The following RCOR1 variants were observed in gnomAD, a reference collection of about 807,000 sequenced individuals.
RCOR1 encodes the protein REST corepressor.
RCOR1 carries 12 observed loss-of-function variants against 64.0 expected under a neutral mutation model. The observed-to-expected ratio is 0.19, with a 90% CI of 0.12 to 0.30. The LOEUF is 0.30. Among genes scored for constraint, RCOR1 ranks in the 10% least tolerant of loss-of-function variants. The pLI, the probability that RCOR1 is intolerant of heterozygous loss-of-function variation, is 1.00. For missense variants in RCOR1, 502 were observed against 621.2 expected (o/e 0.81, Z 2.04); for synonymous variants, 279 against 227.2 (o/e 1.23, Z -2.05).
At position 102,714,006 on chromosome 14, in the gene RCOR1, A is replaced by G. The variant is rs543216901; in HGVS notation, c.859-417A>G. On this transcript the variant is annotated intron_variant, in intron 7 of 11. Transcript: ENST00000262241. Reference sequence around the variant, plus strand: ...GGTATATTATTTTAGAGTAAGTTATATAAGTTGCCGTAAAAATTGTGTTAT... The same window carrying G: ...GGTATATTATTTTAGAGTAAGTTATGTAAGTTGCCGTAAAAATTGTGTTAT... Among the ~76,000 whole-genome samples the G allele has an allele frequency of 1.1e-4, 16 of 152,354 alleles. 1 individual carries two copies. The South Asian group carries it at 3.1e-3, about 30-fold the overall frequency.
chr14:102,727,344 T>G lies in RCOR1; in HGVS notation c.*838T>G, dbSNP rs572544648. On this transcript the variant is annotated 3_prime_UTR_variant, in exon 12 of 12. Transcript: ENST00000262241. ...CATCACTGTACCTGGTGCTTGTAAA[T>G]TTGGAATTGGTGCCTTCTCCTTTTG... is the stretch of plus-strand genomic sequence containing the variant. 7.5e-6 allele frequency: 1 copy of G among 133,314 alleles called. No individual in the cohort carries two copies. Among genetic ancestry groups the G allele is most frequent in the South Asian group, 2.6e-4 (1 of 3,862 alleles). The allele number at this position is 133,314 out of a possible 1,614,324, so 8.3% of individuals were successfully genotyped here. A position where few individuals can be genotyped will look rare whatever the true frequency, so the allele number is the denominator to read the frequency against.
At chr14:102,666,048 T>TA (rs1042885755) in intron 2 of RCOR1, among the ~76,000 whole-genome samples, 1 of 152,174 alleles carries the variant, frequency 6.6e-6, no homozygotes, top group African/African-American at 2.4e-5. Context: ...AATGGACTGC[T>TA]AACCTGGACT....
intron 2 of RCOR1, among the ~76,000 whole-genome samples, chr14:102,614,373 C>T (rs1202172422): frequency 1.3e-5 from 2 of 151,146 alleles, no homozygotes; most frequent in South Asian, 2.1e-4. Context: ...TACAGGCACC[C>T]GCCACCATGC....
At chr14:102,659,739 T>C (rs1449769254) in intron 2 of RCOR1, among the ~76,000 whole-genome samples, 1 of 152,188 alleles carries the variant, frequency 6.6e-6, no homozygotes, top group Non-Finnish European at 1.5e-5. Context: ...GAGAGGTATC[T>C]GCTGCTGCCA....
At chr14:102,594,502 T>A (rs2139872312) in intron 2 of RCOR1, among the ~76,000 whole-genome samples, 1 of 152,318 alleles carries the variant, frequency 6.6e-6, no homozygotes, top group Middle Eastern at 3.4e-3. Context: ...AGGTCCTAGG[T>A]GAGCTCTTGG....
At chr14:102,614,424 C>A (rs529047598) in intron 2 of RCOR1, among the ~76,000 whole-genome samples, 77 of 151,362 alleles carry the variant, frequency 5.1e-4, no homozygotes, top group African/African-American at 1.8e-3. Flanking sequence ...CGGGGTTTCA[C>A]CACGTTAGCC....
chr14:102,659,554 A>C (rs1309747469), intron 2 of RCOR1, among the ~76,000 whole-genome samples: 2 of 152,194 alleles, frequency 1.3e-5, no homozygotes, highest in Non-Finnish European at 2.9e-5. Flanking sequence ...TGGAATAGGC[A>C]TGGGGTCCTT....
chr14:102,630,299 C>T (rs565593579), intron 2 of RCOR1, among the ~76,000 whole-genome samples: 1 of 152,336 alleles, frequency 6.6e-6, no homozygotes, highest in South Asian at 2.1e-4. Flanking sequence ...CCTTCACCTT[C>T]CGCCATGTGT....
intron 2 of RCOR1, among the ~76,000 whole-genome samples, chr14:102,667,310 G>C (rs550078965): frequency 2.0e-5 from 3 of 152,138 alleles, no homozygotes; most frequent in East Asian, 1.9e-4. Context: ...AGACCAGCCT[G>C]GCCAACATGG....
intron 2 of RCOR1, among the ~76,000 whole-genome samples, chr14:102,676,626 T>TC (rs1555465667): frequency 2.1e-5 from 1 of 46,664 alleles, no homozygotes; most frequent in Non-Finnish European, 4.1e-5. Flanking sequence ...GCTGGCCAGG[T>TC]GGGGGGCTGA....
intron 2 of RCOR1, among the ~76,000 whole-genome samples, chr14:102,620,282 T>C (rs1893848255): frequency 6.6e-6 from 1 of 150,672 alleles, no homozygotes; most frequent in African/African-American, 2.4e-5. Context: ...AAAAAATTAG[T>C]CGCGGCGGGG....
At chr14:102,623,837 A>G (rs1893924981) in intron 2 of RCOR1, among the ~76,000 whole-genome samples, 1 of 151,642 alleles carries the variant, frequency 6.6e-6, no homozygotes, top group Non-Finnish European at 1.5e-5. Context: ...CAGGCGGATC[A>G]TGAAGTCAGG....
intron 3 of RCOR1, among the ~76,000 whole-genome samples, chr14:102,688,152 G>A (rs907592951): frequency 2.0e-5 from 3 of 152,080 alleles, no homozygotes; most frequent in South Asian, 2.1e-4. Flanking sequence ...TTTTAGTAGA[G>A]ACAGGGTTTT....
chr14:102,691,608 G>A (rs1895534348), intron 3 of RCOR1, among the ~76,000 whole-genome samples: 1 of 152,210 alleles, frequency 6.6e-6, no homozygotes, highest in Admixed American at 6.5e-5. Flanking sequence ...AGTCTTTTGA[G>A]TGTGTGAAAA....
chr14:102,632,753 CCCTCCCCTCCCCTCCCCTCT>C (rs1460517330), intron 2 of RCOR1, among the ~76,000 whole-genome samples: 10 of 85,522 alleles, frequency 1.2e-4, no homozygotes, highest in South Asian at 9.3e-4. Flanking sequence ...CCCTCCCCTC[CCCTCCCCTCCCCTCCCCTCT>C]CCTCCCCTCT....
intron 11 of RCOR1, among the ~76,000 whole-genome samples, chr14:102,724,780 G>A (rs1028792668): frequency 1.3e-5 from 2 of 152,220 alleles, no homozygotes; most frequent in East Asian, 3.8e-4. Context: ...AAGGGAACTT[G>A]TTAGAATGCT....
At chr14:102,685,722 G>C (rs1895404436) in intron 3 of RCOR1, among the ~76,000 whole-genome samples, 1 of 152,200 alleles carries the variant, frequency 6.6e-6, no homozygotes, top group South Asian at 2.1e-4. Flanking sequence ...AACAGTTTGA[G>C]AGGCTGAGGC....
intron 2 of RCOR1, among the ~76,000 whole-genome samples, chr14:102,610,337 A>T (rs1024328721): frequency 2.6e-5 from 4 of 152,144 alleles, no homozygotes; most frequent in Non-Finnish European, 5.9e-5. Context: ...CACTAGCTAC[A>T]TATAACTATT....
In RCOR1 at chr14:102,681,875, TC is replaced by T; in HGVS notation, c.362-19del. ...ATGTGTTAAATTTTAATAAGAATTT[TC>T]TTTTTTCTTTCTCCCAAGCCAAACT... On this transcript the variant is annotated intron_variant, in intron 2 of 11. Coordinates refer to ENST00000262241, the MANE Select transcript of RCOR1 (RefSeq NM_015156.4). 1 of 1,578,704 alleles carries T rather than the reference TC, an allele frequency of 6.3e-7. No homozygotes were observed. The highest frequency in any genetic ancestry group is 1.1e-5 in the South Asian group (1 of 89,236).
Sources: allele counts gnomAD v4.1 joint callset (sites outside exome capture counted in the v4.1 genomes callset), GRCh38; gene constraint gnomAD v4.1.1; transcripts MANE v1.5; gene names NCBI Gene and HGNC (gene_info 2026-07-23, HGNC 2026-07-21).